The following CYB5R3 variants were observed in gnomAD, a reference collection of about 807,000 sequenced individuals.
CYB5R3 encodes the protein NADH-cytochrome b5 reductase 3.
CYB5R3 carries 28 observed loss-of-function variants against 36.5 expected under a neutral mutation model. That is an observed-to-expected ratio of 0.77 (90% CI 0.57 to 1.05). CYB5R3 has a LOEUF of 1.05. Among genes scored for constraint, CYB5R3 ranks in the 50% least tolerant of loss-of-function variants. The pLI, the probability that CYB5R3 is intolerant of heterozygous loss-of-function variation, is 0.00. For synonymous variants in CYB5R3, 181 were observed against 159.8 expected (o/e 1.13, Z -1.00); for missense variants, 474 against 408.9 (o/e 1.16, Z -1.37).
chr22:42,627,653 G>A lies in CYB5R3; in HGVS notation c.499C>T (p.Pro167Ser). ...FAIRPDKKSN[P>S]IIRTVKSVGM... is the part of the protein sequence containing the mutation. ...ACAGACTTCACTGTCCTGATGATAGGGTTGGACTTTTTGTCAGGTCGGATG... is the reference window on the plus strand; with the variant it reads ...ACAGACTTCACTGTCCTGATGATAGAGTTGGACTTTTTGTCAGGTCGGATG... Residue 167 changes from proline (P) to serine (S), a missense_variant, in exon 6 of 9, where the codon CCT becomes TCT. Transcript: ENST00000352397. The A allele has an allele frequency of 6.2e-7, 1 of 1,614,174 alleles. No individual in the cohort carries two copies. The highest frequency in any genetic ancestry group is 1.7e-5 in the Admixed American group (1 of 60,024).
intron 1 of CYB5R3, among the ~76,000 whole-genome samples, chr22:42,642,444 T>C (rs1204016749): frequency 6.6e-6 from 1 of 151,942 alleles, no homozygotes; most frequent in African/African-American, 2.4e-5. Context: ...ACTTTGAAAT[T>C]ATTATTTTTT....
At position 42,631,460 on chromosome 22, in the gene CYB5R3, G is replaced by C. The variant is rs1398145936; in HGVS notation, c.154-10C>G. On this transcript the variant is annotated splice_polypyrimidine_tract_variant and intron_variant, in intron 2 of 8. Transcript: ENST00000352397. ...TGTCATGGCTGATGATCTGGAGAGA[G>C]GCCCAAAGCTGCTGAACGGTCCCCA... 1 of 1,551,454 alleles carries C rather than the reference G, an allele frequency of 6.4e-7. No individual in the cohort carries two copies. Among genetic ancestry groups the C allele is most frequent in the Admixed American group, 2.0e-5 (1 of 50,984 alleles).
intron 4 of CYB5R3, among the ~76,000 whole-genome samples, chr22:42,628,720 A>T (rs1180021237): frequency 6.6e-6 from 1 of 152,228 alleles, no homozygotes; most frequent in South Asian, 2.1e-4. Flanking sequence ...CACTCTTGGG[A>T]CTACTTCCTG....
intron 7 of CYB5R3, among the ~76,000 whole-genome samples, chr22:42,624,775 C>A (rs985581081): frequency 4.2e-4 from 64 of 152,226 alleles, no homozygotes; most frequent in African/African-American, 1.4e-3. Context: ...ACTAACAAAT[C>A]GCTACTGAGC....
intron 2 of CYB5R3, among the ~76,000 whole-genome samples, chr22:42,635,266 G>A (rs913999364): frequency 8.7e-5 from 13 of 150,128 alleles, no homozygotes; most frequent in Admixed American, 1.3e-4. Flanking sequence ...AGCCACGCCC[G>A]GCCAATTTTT....
chr22:42,638,189 A>G (rs998372106), intron 1 of CYB5R3, among the ~76,000 whole-genome samples: 6 of 152,070 alleles, frequency 3.9e-5, no homozygotes, highest in African/African-American at 7.2e-5. Context: ...TGAGGTCAGG[A>G]GTTCGAGACC....
At chr22:42,645,485 C>T (rs111509014) in intron 1 of CYB5R3, among the ~76,000 whole-genome samples, 1 of 152,300 alleles carries the variant, frequency 6.6e-6, no homozygotes, top group Non-Finnish European at 1.5e-5. Context: ...GTTTCCACGC[C>T]TGTTCCACAC....
chr22:42,620,125 A>C (rs896444806), intron 8 of CYB5R3, among the ~76,000 whole-genome samples, 180 bp from the exon 9 acceptor site: 3 of 152,182 alleles, frequency 2.0e-5, no homozygotes, highest in Admixed American at 6.5e-5. Flanking sequence ...CAGGCCCTGC[A>C]GCCTGAAACC....
intron 1 of CYB5R3, among the ~76,000 whole-genome samples, chr22:42,649,021 C>T (rs1929649954): frequency 6.6e-6 from 1 of 152,222 alleles, no homozygotes; most frequent in Non-Finnish European, 1.5e-5. Context: ...CAGGGCAGGG[C>T]CCAGGTGCCC....
At chr22:42,645,464 G>A (rs552480506) in intron 1 of CYB5R3, among the ~76,000 whole-genome samples, 6 of 152,272 alleles carry the variant, frequency 3.9e-5, no homozygotes, top group South Asian at 2.1e-4. Context: ...CTTAGGATCC[G>A]GCTCCAGGCT....
chr22:42,618,707 CA>C lies in CYB5R3; in HGVS notation c.*1065del, dbSNP rs36011098. ...TGGGTGACAAAGGGAGACTCCGTCT[CA>C]AAAAAAAAAAAAAAAGAAAAAAAAA... On this transcript the variant is annotated 3_prime_UTR_variant, in exon 9 of 9. Transcript: ENST00000352397. The C allele has an allele frequency of 0.36, 29,735 of 83,350 alleles. 3,555 individuals are homozygous for C. The highest frequency in any genetic ancestry group is 0.67 in the East Asian group (2,416 of 3,616). 5.2% of individuals were successfully genotyped at this position (83,350 alleles called of 1,614,324 possible). A position where few individuals can be genotyped will look rare whatever the true frequency, so the allele number is the denominator to read the frequency against.
rs1361084738 is a variant in CYB5R3, at chr22:42,619,865, G to A, written c.814C>T (p.Leu272=). The part of the protein sequence containing the change: ...LPPPEEEPLV[L]MCGPPPMIQY... ...ATCATGGGTGGGGGGCCACACATCA[G>A]CACCAGCGGCTCCTCCTCTGGGGGT... The change falls in exon 9 of 9, where the codon CTG becomes TTG. Residue 272 remains leucine, a synonymous_variant. Transcript: ENST00000352397. The A allele has an allele frequency of 8.7e-6, 14 of 1,607,300 alleles. No homozygotes were observed. Among genetic ancestry groups the A allele is most frequent in the Non-Finnish European group, 1.2e-5 (14 of 1,177,394 alleles).
chr22:42,630,407 C>T (rs781374058), intron 4 of CYB5R3, among the ~76,000 whole-genome samples: 1 of 152,196 alleles, frequency 6.6e-6, no homozygotes, highest in Non-Finnish European at 1.5e-5. Flanking sequence ...GAGTGGCTGC[C>T]TCACCCCGCA....
chr22:42,647,325 T>C (rs1028708197), intron 1 of CYB5R3, among the ~76,000 whole-genome samples: 3 of 152,102 alleles, frequency 2.0e-5, no homozygotes, highest in Admixed American at 6.5e-5. Context: ...CAGAAATATA[T>C]GGAATGAGGC....
chr22:42,626,431 T>C, intron 7 of CYB5R3, among the ~76,000 whole-genome samples: 1 of 152,134 alleles, frequency 6.6e-6, no homozygotes, highest in Middle Eastern at 3.2e-3. Context: ...GCGACCACAC[T>C]GCCCTCGCTA....
At chr22:42,649,216 G>A in intron 1 of CYB5R3, 79 bp downstream of exon 1, 3 of 653,712 alleles carry the variant, frequency 4.6e-6, no homozygotes, top group South Asian at 3.9e-5. Context: ...GTCACCTCCC[G>A]CAGGCCAGCC....
Position 42,619,773 on chromosome 22 carries a change from T to C in CYB5R3, c.906A>G (p.Ter302TrpextTer42). The change falls in exon 9 of 9, where the codon TGA becomes TGG. Residue 302 changes from the stop codon to tryptophan (W), a stop_lost. Transcript: ENST00000352397. ...GTGGCCGTGTGACCGTGCCCGGCCC[T>C]CAGAAGACGAAGCAGCGCTCCGTGG... ...GHPTERCFVF[*>W] The C allele has an allele frequency of 6.3e-7, 1 of 1,576,844 alleles. No homozygotes were observed. The highest frequency in any genetic ancestry group is 8.6e-7 in the Non-Finnish European group (1 of 1,164,604).
intron 4 of CYB5R3, among the ~76,000 whole-genome samples, chr22:42,628,889 G>C: frequency 6.6e-6 from 1 of 152,130 alleles, no homozygotes; most frequent in East Asian, 1.9e-4. Flanking sequence ...CGTGTACACA[G>C]TGCCTCAGGG....
intron 4 of CYB5R3, 99 bp from the exon 5 acceptor site, chr22:42,628,380 T>C: frequency 6.7e-7 from 1 of 1,481,934 alleles, no homozygotes; most frequent in Non-Finnish European, 9.3e-7. Context: ...CAGCTTCTTC[T>C]GAGGCCCACA....
Sources: allele counts gnomAD v4.1 joint callset (sites outside exome capture counted in the v4.1 genomes callset), GRCh38; gene constraint gnomAD v4.1.1; transcripts MANE v1.5; gene names NCBI Gene and HGNC (gene_info 2026-07-23, HGNC 2026-07-21).